The following C13orf46 variants were observed in gnomAD, a reference collection of about 807,000 sequenced individuals.
C13orf46 encodes uncharacterized protein C13orf46.
chr13:113,971,299 A>G (rs2052702426), intron 1 of C13orf46, among the ~76,000 whole-genome samples: 1 of 152,214 alleles, frequency 6.6e-6, no homozygotes, highest in African/African-American at 2.4e-5. Context: ...GCAGAGTCAC[A>G]TGGGCCACTC....
chr13:113,932,795 AC>A, the C13orf46 span, among the ~76,000 whole-genome samples: 3,884 of 152,316 alleles, frequency 0.025, 68 homozygotes, highest in Admixed American at 0.072. Context: ...ACTAAAAGTC[AC>A]CATGATTTTA....
At chr13:113,943,039 G>A in the C13orf46 span, among the ~76,000 whole-genome samples, 1 of 152,234 alleles carries the variant, frequency 6.6e-6, no homozygotes, top group African/African-American at 2.4e-5. Context: ...GGCCCTGACA[G>A]TCCCACTGAG....
intron 5 of C13orf46, among the ~76,000 whole-genome samples, chr13:113,965,745 G>GT (rs2052631353): frequency 1.4e-5 from 1 of 72,396 alleles, no homozygotes; most frequent in Non-Finnish European, 2.5e-5. Context: ...AGGTGATGAT[G>GT]GTGATGATGG....
chr13:113,941,811 T>C, the C13orf46 span, among the ~76,000 whole-genome samples: 4 of 152,190 alleles, frequency 2.6e-5, no homozygotes, highest in East Asian at 7.7e-4. Context: ...CCCAGCGCCC[T>C]GGACGAGGTC....
downstream of C13orf46, among the ~76,000 whole-genome samples, chr13:113,951,403 G>C (rs926007808): frequency 8.5e-5 from 13 of 152,182 alleles, no homozygotes; most frequent in African/African-American, 2.9e-4. Flanking sequence ...ACGTCCCTTC[G>C]TGGACTGCGT....
At chr13:113,948,330 T>G in the C13orf46 span, among the ~76,000 whole-genome samples, 2 of 152,344 alleles carry the variant, frequency 1.3e-5, no homozygotes, top group East Asian at 3.9e-4. Flanking sequence ...AAACTTCTAT[T>G]TATTGTTCTT....
intron 5 of C13orf46, among the ~76,000 whole-genome samples, chr13:113,965,196 C>T (rs1374555320): frequency 6.6e-6 from 1 of 152,194 alleles, no homozygotes; most frequent in Non-Finnish European, 1.5e-5. Context: ...GGCTCCTGGA[C>T]TGAAGACCAG....
At chr13:113,943,957 G>A in the C13orf46 span, among the ~76,000 whole-genome samples, 5 of 152,250 alleles carry the variant, frequency 3.3e-5, no homozygotes, top group East Asian at 1.9e-4. Flanking sequence ...CATCACTGAC[G>A]GGCTGCTCTG....
At chr13:113,939,883 C>T in the C13orf46 span, among the ~76,000 whole-genome samples, 26 of 152,318 alleles carry the variant, frequency 1.7e-4, no homozygotes, top group African/African-American at 3.6e-4. Context: ...CACGATTCAG[C>T]GTGAAAAACA....
intron 2 of C13orf46, among the ~76,000 whole-genome samples, chr13:113,969,598 A>G (rs1001943006): frequency 2.0e-4 from 31 of 152,356 alleles, no homozygotes; most frequent in Admixed American, 2.0e-3. Context: ...GTGCTGGTAA[A>G]TCGACTTTGT....
chr13:113,933,898 G>A, the C13orf46 span, among the ~76,000 whole-genome samples: 4 of 152,114 alleles, frequency 2.6e-5, no homozygotes, highest in Admixed American at 6.5e-5. Context: ...ACTGGATGAC[G>A]GAGCTCATTT....
chr13:113,927,650 T>A, the C13orf46 span: 3 of 398,500 alleles, frequency 7.5e-6, no homozygotes, highest in African/African-American at 2.1e-5. Context: ...CCTGCTCCAA[T>A]AAGACCAAGA....
intron 2 of C13orf46, among the ~76,000 whole-genome samples, chr13:113,969,190 C>G (rs980359281): frequency 6.6e-6 from 1 of 152,270 alleles, no homozygotes; most frequent in African/African-American, 2.4e-5. Flanking sequence ...TCGCACCAAC[C>G]TCGTGACCCC....
chr13:113,945,654 A>G, the C13orf46 span, among the ~76,000 whole-genome samples: 1 of 138,990 alleles, frequency 7.2e-6, no homozygotes, highest in African/African-American at 2.6e-5. Flanking sequence ...GAAAGAAAGA[A>G]AGAAAGAAAG....
chr13:113,933,172 A>G, the C13orf46 span, among the ~76,000 whole-genome samples: 1 of 152,150 alleles, frequency 6.6e-6, no homozygotes, highest in African/African-American at 2.4e-5. Flanking sequence ...GCCCAAAGTT[A>G]ATTGTTGTAT....
chr13:113,973,565 C>T (rs768188497), intron 1 of C13orf46, among the ~76,000 whole-genome samples: 6 of 152,170 alleles, frequency 3.9e-5, no homozygotes, highest in African/African-American at 9.7e-5. Flanking sequence ...CGGACAGAAC[C>T]GACGTACCCC....
At chr13:113,973,564 C>G (rs1055872458) in intron 1 of C13orf46, among the ~76,000 whole-genome samples, 1 of 152,216 alleles carries the variant, frequency 6.6e-6, no homozygotes, top group African/African-American at 2.4e-5. Context: ...CCGGACAGAA[C>G]CGACGTACCC....
At chr13:113,945,493 C>T in the C13orf46 span, among the ~76,000 whole-genome samples, 6 of 149,216 alleles carry the variant, frequency 4.0e-5, no homozygotes, top group African/African-American at 1.2e-4. Context: ...TGCAGTGAGC[C>T]GAGACTGCGC....
downstream of C13orf46, among the ~76,000 whole-genome samples, chr13:113,953,051 G>A (rs1294683669): frequency 6.6e-6 from 1 of 152,212 alleles, no homozygotes; most frequent in Non-Finnish European, 1.5e-5. Context: ...TGGCCTCACC[G>A]CTGACCATCC....
Sources: allele counts gnomAD v4.1 joint callset (sites outside exome capture counted in the v4.1 genomes callset), GRCh38; gene constraint gnomAD v4.1.1; transcripts MANE v1.5; gene names NCBI Gene and HGNC (gene_info 2026-07-23, HGNC 2026-07-21).